Variants in SSH1 observed in about 807,000 individuals in gnomAD.
SSH1 encodes the protein slingshot protein phosphatase 1.
Under a neutral mutation model 79.7 loss-of-function variants are expected in SSH1, and 43 were observed. The observed-to-expected ratio is 0.54, with a 90% CI of 0.42 to 0.70. The LOEUF (loss-of-function observed/expected upper bound fraction) is 0.70, where lower values mean the gene tolerates loss of function less well. SSH1 is among the 30% of genes least tolerant of loss of function. SSH1 has a pLI of 0.00. For synonymous variants in SSH1, 599 were observed against 538.3 expected, an observed-to-expected ratio of 1.11 and a Z score of -1.56; for missense variants, 1,206 against 1,358.8, an observed-to-expected ratio of 0.89 and a Z score of 1.77.
At chr12:108,803,662 C>T (rs1486954681) in intron 10 of SSH1, among the ~76,000 whole-genome samples, 1 of 152,126 alleles carries the variant, frequency 6.6e-6, no homozygotes, top group Non-Finnish European at 1.5e-5. Flanking sequence ...ACGCGAGTGC[C>T]GCTGAAGCTG....
intron 13 of SSH1, among the ~76,000 whole-genome samples, chr12:108,794,537 T>C (rs1464659497): frequency 6.6e-6 from 1 of 152,180 alleles, no homozygotes; most frequent in South Asian, 2.1e-4. Context: ...TTCAGAGACT[T>C]TAAGCTACAT....
intron 2 of SSH1, among the ~76,000 whole-genome samples, chr12:108,831,109 C>T (rs2038460745): frequency 6.6e-6 from 1 of 152,100 alleles, no homozygotes; most frequent in South Asian, 2.1e-4. Flanking sequence ...ATTTCTGATG[C>T]TGTATCTCGA....
chr12:108,792,969 T>C (rs1251633789), intron 13 of SSH1, 140 bp from the exon 14 acceptor site: 3 of 992,140 alleles, frequency 3.0e-6, no homozygotes, highest in South Asian at 3.0e-5. Flanking sequence ...AGGTAAAGCC[T>C]CTCTCTGTTC....
At chr12:108,823,118 C>T in intron 3 of SSH1, 140 bp downstream of exon 3, 1 of 779,970 alleles carries the variant, frequency 1.3e-6, no homozygotes, top group Non-Finnish European at 2.2e-6. Context: ...GCATCTGAGC[C>T]TCTGCCTGCA....
At chr12:108,846,018 AGGGGAGG>A (rs1319869845) in intron 2 of SSH1, among the ~76,000 whole-genome samples, 2 of 152,206 alleles carry the variant, frequency 1.3e-5, no homozygotes, top group Non-Finnish European at 2.9e-5. Context: ...CTGACACTGT[AGGGGAGG>A]GGGTGAAGGC....
chr12:108,817,213 C>T, intron 4 of SSH1, 54 bp from the exon 5 acceptor site: 1 of 1,606,132 alleles, frequency 6.2e-7, no homozygotes. Context: ...TGGTGCCTCC[C>T]TCCCATCTCC....
intron 3 of SSH1, among the ~76,000 whole-genome samples, chr12:108,821,037 T>C (rs991557368): frequency 9.2e-5 from 14 of 152,218 alleles, no homozygotes; most frequent in Non-Finnish European, 4.4e-5. Context: ...AATTAAAACA[T>C]GAACAACAGC....
chr12:108,787,822 G>T lies in SSH1; in HGVS notation c.*166C>A. ...AGCTCCCCTTCTTGTGCTGCATGTT[G>T]GTTAGTTTCTTCTCCTCCTCTCTAT... On this transcript the variant is annotated 3_prime_UTR_variant, in exon 15 of 15. Coordinates refer to ENST00000326495, the MANE Select transcript of SSH1 (RefSeq NM_018984.4). 1 of 853,972 alleles carries T rather than the reference G, an allele frequency of 1.2e-6. No homozygotes were observed. The highest frequency in any genetic ancestry group is 1.8e-6 in the Non-Finnish European group (1 of 553,386). The allele number at this position is 853,972 out of a possible 1,614,324, so 52.9% of individuals were successfully genotyped here.
rs115168892 is a variant in SSH1, at chr12:108,851,307, G to A, written c.110+1331C>T. On this transcript the variant is annotated intron_variant, in intron 2 of 14. Coordinates refer to ENST00000326495, the MANE Select transcript of SSH1 (RefSeq NM_018984.4). Reference sequence around the variant, plus strand: ...CTTCACTCAAGCACACAGAAACATCGGAGAAAAGCTGAGCATATTTCTACC... The same window carrying A: ...CTTCACTCAAGCACACAGAAACATCAGAGAAAAGCTGAGCATATTTCTACC... 8.9e-3 allele frequency among the ~76,000 whole-genome samples: 1,353 copies of A among 152,198 alleles called. 23 individuals carry two copies. Among genetic ancestry groups the A allele is most frequent in the African/African-American group, 0.031 (1,294 of 41,516 alleles).
Position 108,809,683 on chromosome 12 carries a change from C to A in SSH1, c.536+10G>T, listed in dbSNP as rs530284645. ...TCTAGGGAGTTAAAAGTCCCTAAAA[C>A]CACACTTACCACATGGCCTGGACAG... On this transcript the variant is annotated intron_variant, in intron 7 of 14. Transcript: ENST00000326495. 12 of 1,613,060 alleles carry A rather than the reference C, an allele frequency of 7.4e-6. No individual in the cohort carries two copies. Among genetic ancestry groups the A allele is most frequent in the South Asian group, 2.2e-5 (2 of 91,062 alleles).
chr12:108,833,064 G>A (rs544271322), intron 2 of SSH1, among the ~76,000 whole-genome samples: 10 of 152,218 alleles, frequency 6.6e-5, no homozygotes, highest in African/African-American at 2.4e-4. Flanking sequence ...GACAGTAAGA[G>A]ACATTCTCTG....
intron 10 of SSH1, among the ~76,000 whole-genome samples, chr12:108,803,597 T>G (rs1306111677): frequency 6.6e-6 from 1 of 152,170 alleles, no homozygotes; most frequent in Non-Finnish European, 1.5e-5. Flanking sequence ...AAAAATTCCT[T>G]TAGTATCTCT....
In SSH1 at chr12:108,788,670, C is replaced by T. The variant is rs1281176295; in HGVS notation, c.2468G>A (p.Arg823His). The T allele has an allele frequency of 8.1e-6, 13 of 1,613,912 alleles. No homozygotes were observed. Among genetic ancestry groups the T allele is most frequent in the Admixed American group, 5.0e-5 (3 of 60,006 alleles). ...CCGCTCTAGCTCTTTGGTGTGCTTG[C>T]GGACCAAGCCTGCCTTCTGCAGCTG... ...IIQLQKAGLV[R>H]KHTKELERLK... Residue 823 changes from arginine (R) to histidine (H), a missense_variant, in exon 15 of 15, where the codon CGC becomes CAC. Coordinates refer to ENST00000326495, the MANE Select transcript of SSH1 (RefSeq NM_018984.4).
chr12:108,798,519 C>A (rs528697313), intron 13 of SSH1, among the ~76,000 whole-genome samples: 1 of 152,178 alleles, frequency 6.6e-6, no homozygotes, highest in East Asian at 1.9e-4. Context: ...GGCATTAATT[C>A]TTAGAAGAGG....
At position 108,781,740 on chromosome 12, in the gene SSH1, A is replaced by G. The variant is rs1347449121; in HGVS notation, c.*6248T>C. On this transcript the variant is annotated 3_prime_UTR_variant, in exon 15 of 15. Coordinates refer to ENST00000326495, the MANE Select transcript of SSH1 (RefSeq NM_018984.4). ...ACTGGAAAGCAAGTAGAAATGATGT[A>G]TCGCATCCAGACAGAGGAGACTGAG... is the stretch of plus-strand genomic sequence containing the variant. 1 of 152,244 alleles carries G rather than the reference A, an allele frequency of 6.6e-6. No homozygotes were observed. Among genetic ancestry groups the G allele is most frequent in the Non-Finnish European group, 1.5e-5 (1 of 68,070 alleles). 9.4% of individuals were successfully genotyped at this position (152,244 alleles called of 1,614,324 possible).
chr12:108,855,461 TG>T (rs2039125631), intron 1 of SSH1, among the ~76,000 whole-genome samples: 1 of 152,182 alleles, frequency 6.6e-6, no homozygotes. Context: ...TAAAAACCAC[TG>T]AATTGTACAC....
chr12:108,831,215 A>C (rs570441314), intron 2 of SSH1, among the ~76,000 whole-genome samples: 22 of 152,196 alleles, frequency 1.4e-4, no homozygotes, highest in Non-Finnish European at 2.9e-4. Context: ...TTTTCCCTGG[A>C]TAGAACTAAC....
At chr12:108,795,815 C>T (rs991147175) in intron 13 of SSH1, among the ~76,000 whole-genome samples, 3 of 152,128 alleles carry the variant, frequency 2.0e-5, no homozygotes, top group African/African-American at 7.2e-5. Flanking sequence ...TCATACCCTG[C>T]AATCCGGCCT....
intron 13 of SSH1, among the ~76,000 whole-genome samples, chr12:108,798,776 T>C (rs2036858703): frequency 6.6e-6 from 1 of 152,244 alleles, no homozygotes; most frequent in Admixed American, 6.5e-5. Context: ...TTTATGTGTG[T>C]GCCAAGAAAA....
Sources: allele counts gnomAD v4.1 joint callset (sites outside exome capture counted in the v4.1 genomes callset), GRCh38; gene constraint gnomAD v4.1.1; transcripts MANE v1.5; gene names NCBI Gene and HGNC (gene_info 2026-07-23, HGNC 2026-07-21).